The following HM13 variants were observed in gnomAD, a reference collection of about 807,000 sequenced individuals.
HM13 encodes the protein histocompatibility minor 13, also known as signal peptide peptidase.
Under a neutral mutation model 50.0 loss-of-function variants are expected in HM13, and 18 were observed. The observed-to-expected ratio is 0.36, with a 90% confidence interval of 0.25 to 0.53. HM13 has a LOEUF of 0.53. Among genes scored for constraint, HM13 ranks in the 20% least tolerant of loss-of-function variants. The probability of loss-of-function intolerance (pLI) is 0.90; values close to 1 mark genes in which losing one functional copy is unlikely to be tolerated. For synonymous variants in HM13, 197 were observed against 232.6 expected (o/e 0.85, Z 1.39); for missense variants, 393 against 552.4 (o/e 0.71, Z 2.89).
At chr20:31,529,088 T>A (rs1271882003) in intron 2 of HM13, among the ~76,000 whole-genome samples, 2 of 152,074 alleles carry the variant, frequency 1.3e-5, no homozygotes, top group Non-Finnish European at 2.9e-5. Context: ...GCAACCTCAA[T>A]TCCTGGACTC....
chr20:31,526,405 C>T lies in HM13; in HGVS notation c.184-1079C>T, dbSNP rs192733228. On this transcript the variant is annotated intron_variant, in intron 1 of 12. Coordinates refer to ENST00000398174, the MANE Select transcript of HM13 (RefSeq NM_178581.3). ...AACTCCTGACCTTGTGATCCACCCG[C>T]CTCGGCCTCCCAAAGTGCTGGGATT... 2.3e-4 allele frequency among the ~76,000 whole-genome samples: 35 copies of T among 152,182 alleles called. 1 individual carries two copies. The East Asian group carries it at 6.8e-3, about 29-fold the overall frequency.
chr20:31,537,644 A>C (rs1050489607), intron 2 of HM13, among the ~76,000 whole-genome samples: 2 of 152,200 alleles, frequency 1.3e-5, no homozygotes, highest in African/African-American at 2.4e-5. Context: ...AAAGACCAAG[A>C]AGCAGCTGTC....
intron 2 of HM13, among the ~76,000 whole-genome samples, chr20:31,537,772 T>C (rs1983196394): frequency 6.6e-6 from 1 of 152,158 alleles, no homozygotes; most frequent in African/African-American, 2.4e-5. Context: ...GGGTGGCCAC[T>C]CTGTAGGGGA....
chr20:31,530,038 C>T (rs988917983), intron 2 of HM13, among the ~76,000 whole-genome samples: 1 of 151,852 alleles, frequency 6.6e-6, no homozygotes, highest in African/African-American at 2.4e-5. Flanking sequence ...ACCTGTTATC[C>T]CAGTACTTTG....
At chr20:31,539,056 G>A (rs1381464003) in intron 3 of HM13, 57 of 984,792 alleles carry the variant, frequency 5.8e-5, no homozygotes, top group Non-Finnish European at 6.8e-5. Context: ...TGGCTCCAGA[G>A]CCCATCCTCT....
chr20:31,546,754 C>CAA (rs542344354), intron 4 of HM13, among the ~76,000 whole-genome samples: 2 of 116,788 alleles, frequency 1.7e-5, no homozygotes, highest in African/African-American at 5.8e-5. Flanking sequence ...GACCCTGTCT[C>CAA]AAAAAAAAAA....
chr20:31,569,096 T>C (rs547399522), intron 12 of HM13, 24 bp from the exon 13 acceptor site: 3 of 1,461,256 alleles, frequency 2.1e-6, no homozygotes, highest in Non-Finnish European at 2.8e-6. Context: ...GAATTTTTAT[T>C]GTTGTTTTTT....
At chr20:31,534,788 A>C (rs1325236344) in intron 2 of HM13, among the ~76,000 whole-genome samples, 1 of 148,524 alleles carries the variant, frequency 6.7e-6, no homozygotes, top group African/African-American at 2.5e-5. Flanking sequence ...TTTCGAAAGA[A>C]AAAAAAGAAG....
At chr20:31,531,944 A>T (rs1171531414) in intron 2 of HM13, among the ~76,000 whole-genome samples, 1 of 152,134 alleles carries the variant, frequency 6.6e-6, no homozygotes, top group Non-Finnish European at 1.5e-5. Flanking sequence ...CTGGACACGA[A>T]TGTTACCCTG....
At chr20:31,555,124 C>CA (rs1984238906) in intron 8 of HM13, among the ~76,000 whole-genome samples, 2 of 152,330 alleles carry the variant, frequency 1.3e-5, no homozygotes, top group South Asian at 4.1e-4. Flanking sequence ...AGTCTAATGA[C>CA]AGATTGAGGT....
chr20:31,557,946 G>A (rs1309996281), intron 8 of HM13, among the ~76,000 whole-genome samples: 2 of 152,160 alleles, frequency 1.3e-5, no homozygotes, highest in Non-Finnish European at 2.9e-5. Flanking sequence ...GACCTCAGGT[G>A]ATCCGCCTGC....
chr20:31,537,656 G>T (rs6088505), intron 2 of HM13, among the ~76,000 whole-genome samples: 1 of 152,344 alleles, frequency 6.6e-6, no homozygotes, highest in African/African-American at 2.4e-5. Context: ...GCAGCTGTCA[G>T]GGATGCTGTC....
At chr20:31,564,657 T>C (rs1004683587) in intron 10 of HM13, among the ~76,000 whole-genome samples, 3 of 151,802 alleles carry the variant, frequency 2.0e-5, no homozygotes, top group Admixed American at 6.6e-5. Context: ...CCTGACTCCA[T>C]GTGAAAGAAC....
chr20:31,556,891 C>T (rs1439642006), intron 8 of HM13, among the ~76,000 whole-genome samples: 4 of 151,420 alleles, frequency 2.6e-5, no homozygotes, highest in Non-Finnish European at 5.9e-5. Context: ...TAGTGGCGGG[C>T]GCGTGTAGTC....
At chr20:31,543,297 G>A (rs1249170822) in intron 3 of HM13, among the ~76,000 whole-genome samples, 1 of 151,992 alleles carries the variant, frequency 6.6e-6, no homozygotes, top group African/African-American at 2.4e-5. Flanking sequence ...TTTTGTTTTT[G>A]TTTTTAGAGA....
intron 2 of HM13, among the ~76,000 whole-genome samples, chr20:31,529,525 A>T (rs1416741932): frequency 4.6e-5 from 7 of 152,172 alleles, no homozygotes; most frequent in Non-Finnish European, 8.8e-5. Context: ...TATTACAAGC[A>T]TGAGCCACCA....
At chr20:31,554,706 G>A (rs773819822) in intron 7 of HM13, 40 bp from the exon 8 acceptor site, 1 of 1,558,806 alleles carries the variant, frequency 6.4e-7, no homozygotes, top group South Asian at 1.1e-5. Flanking sequence ...ATGTAAACTG[G>A]GCTCCAGCTG....
intron 1 of HM13, among the ~76,000 whole-genome samples, chr20:31,516,964 C>G (rs559413582): frequency 3.9e-5 from 6 of 152,328 alleles, no homozygotes; most frequent in African/African-American, 1.4e-4. Flanking sequence ...CTGAAGATCA[C>G]TCTGCCATTT....
At chr20:31,532,194 A>G (rs1000010034) in intron 2 of HM13, among the ~76,000 whole-genome samples, 10 of 152,062 alleles carry the variant, frequency 6.6e-5, no homozygotes, top group African/African-American at 2.4e-4. Context: ...TGGGAGGCCA[A>G]GGAGGGTGTA....
Sources: gnomAD v4.1 joint callset for allele counts (sites outside exome capture counted in the v4.1 genomes callset) on GRCh38, gnomAD v4.1.1 for gene constraint, MANE v1.5 for transcripts, NCBI Gene and HGNC (gene_info 2026-07-23, HGNC 2026-07-21) for gene names.